ACER1: variants seen among roughly 807,000 people sequenced by gnomAD.
ACER1 encodes alkaline ceramidase 1.
In ACER1, 28 loss-of-function variants were observed where a neutral mutation model predicts 24.9. That is an observed-to-expected ratio of 1.13 (90% CI 0.83 to 1.54). The LOEUF (loss-of-function observed/expected upper bound fraction) is 1.54. Ranked by LOEUF, ACER1 falls within the 40% of genes most tolerant of loss-of-function variation. The pLI, the probability that ACER1 is intolerant of heterozygous loss-of-function variation, is 0.00. For missense variants in ACER1, 352 were observed against 349.3 expected, an observed-to-expected ratio of 1.01 and a Z score of -0.06; for synonymous variants, 132 against 131.4, an observed-to-expected ratio of 1.00 and a Z score of -0.03.
rs1202286373 is a variant in ACER1, at chr19:6,307,162, T to A, written c.617A>T (p.His206Leu). 6.2e-7 allele frequency: 1 copy of A among 1,613,976 alleles called. No individual in the cohort carries two copies. The highest frequency in any genetic ancestry group is 8.5e-7 in the Non-Finnish European group (1 of 1,180,044). ...CAGAGCATGTGCTTACCAGATGCTGTGCAGATAGAAGAAATGAATCCTCTG... is the reference window on the plus strand; with the variant it reads ...CAGAGCATGTGCTTACCAGATGCTGAGCAGATAGAAGAAATGAATCCTCTG... ...FWQRIHFFYL[H>L]SIWHVLISIT... is the part of the protein sequence containing the mutation. The change falls in exon 5 of 6, where the codon CAC becomes CTC. Residue 206 changes from histidine to leucine, a missense_variant. His to Leu is a moderately conservative substitution (Grantham distance 99). Transcript: ENST00000301452.
chr19:6,307,359 C>G (rs2091557576), intron 4 of ACER1, 69 bp from the exon 5 acceptor site: 2 of 1,562,106 alleles, frequency 1.3e-6, no homozygotes, highest in Non-Finnish European at 1.7e-6. Context: ...ATGGGAAATT[C>G]CTCCTTCCAC....
chr19:6,349,762 G>A, the ACER1 span, among the ~76,000 whole-genome samples: 1 of 152,086 alleles, frequency 6.6e-6, no homozygotes, highest in Admixed American at 6.6e-5. Flanking sequence ...GCACCTGAAG[G>A]TGATCCTAAA....
At chr19:6,326,996 C>T (rs2091664393) in intron 1 of ACER1, among the ~76,000 whole-genome samples, 1 of 152,176 alleles carries the variant, frequency 6.6e-6, no homozygotes, top group South Asian at 2.1e-4. Context: ...ACTTGGCAAA[C>T]TCCTATTCAT....
At chr19:6,353,099 G>A in the ACER1 span, among the ~76,000 whole-genome samples, 4 of 152,172 alleles carry the variant, frequency 2.6e-5, no homozygotes, top group African/African-American at 7.2e-5. Context: ...CGAGGCAGGT[G>A]TGAGGATCAT....
chr19:6,314,788 A>T (rs1031158777), intron 1 of ACER1, among the ~76,000 whole-genome samples: 7 of 152,234 alleles, frequency 4.6e-5, no homozygotes, highest in African/African-American at 1.7e-4. Flanking sequence ...TCATATGTTT[A>T]TTGCAGCACT....
At chr19:6,359,341 A>T in the ACER1 span, among the ~76,000 whole-genome samples, 3 of 147,222 alleles carry the variant, frequency 2.0e-5, no homozygotes, top group African/African-American at 5.1e-5. Context: ...TTTTTGAGAT[A>T]GAGTTTTGCT....
chr19:6,339,510 A>C, the ACER1 span, among the ~76,000 whole-genome samples: 1 of 152,036 alleles, frequency 6.6e-6, no homozygotes, highest in African/African-American at 2.4e-5. Flanking sequence ...TTCAGTTTGG[A>C]AAGATGAGAA....
intron 1 of ACER1, 37 bp from the exon 2 acceptor site, chr19:6,312,536 A>G: frequency 6.4e-7 from 1 of 1,558,520 alleles, no homozygotes; most frequent in South Asian, 1.1e-5. Context: ...AGCTCGTCAG[A>G]TAGGGGAGAC....
upstream of ACER1, among the ~76,000 whole-genome samples, chr19:6,335,170 T>TA (rs554082368): frequency 0.047 from 6,891 of 146,286 alleles, 266 homozygotes; most frequent in African/African-American, 0.1. Flanking sequence ...TTATATATTA[T>TA]ATAATTTTTC....
intron 1 of ACER1, among the ~76,000 whole-genome samples, chr19:6,332,909 T>C (rs941652686): frequency 1.3e-5 from 2 of 152,034 alleles, no homozygotes; most frequent in African/African-American, 4.8e-5. Flanking sequence ...GCTCAGGCAA[T>C]CCACCCACCT....
the ACER1 span, among the ~76,000 whole-genome samples, chr19:6,348,915 G>A: frequency 6.6e-6 from 1 of 151,980 alleles, no homozygotes; most frequent in African/African-American, 2.4e-5. Context: ...AATTAGCTGG[G>A]TATGGTGGCG....
At chr19:6,308,611 C>T (rs1003814042) in intron 4 of ACER1, among the ~76,000 whole-genome samples, 1 of 152,084 alleles carries the variant, frequency 6.6e-6, no homozygotes, top group African/African-American at 2.4e-5. Flanking sequence ...TTATTCTTAA[C>T]CAACAAGCCC....
At chr19:6,345,738 T>C in the ACER1 span, among the ~76,000 whole-genome samples, 1 of 151,660 alleles carries the variant, frequency 6.6e-6, no homozygotes, top group Non-Finnish European at 1.5e-5. Context: ...CTAATTTTTG[T>C]ATTTTTTGTA....
chr19:6,323,174 A>G (rs1292635490), intron 1 of ACER1, among the ~76,000 whole-genome samples: 1 of 152,108 alleles, frequency 6.6e-6, no homozygotes, highest in Non-Finnish European at 1.5e-5. Flanking sequence ...TAATCCCAGC[A>G]CTTTGGGAGG....
At chr19:6,349,309 C>T in the ACER1 span, among the ~76,000 whole-genome samples, 6 of 139,706 alleles carry the variant, frequency 4.3e-5, no homozygotes, top group African/African-American at 1.6e-4. Context: ...GCCCCCATCT[C>T]TACAAAATAA....
In ACER1 at chr19:6,306,836, C is replaced by T. The variant is rs747041602; in HGVS notation, c.673G>A (p.Ala225Thr). ...ITFPYGMVTM[A>T]LVDANYEMPG... Reference sequence around the variant, plus strand: ...ATCTCATAGTTGGCATCCACCAAGGCCATGGTGACCATGCCATAAGGGAAG... The same window carrying T: ...ATCTCATAGTTGGCATCCACCAAGGTCATGGTGACCATGCCATAAGGGAAG... Residue 225 changes from alanine (A) to threonine (T), a missense_variant, in exon 6 of 6, where the codon GCC (alanine) becomes ACC (threonine). Ala to Thr is a moderately conservative substitution (Grantham distance 58, BLOSUM62 0). Coordinates refer to ENST00000301452, the MANE Select transcript of ACER1 (RefSeq NM_133492.3). 8.1e-5 allele frequency: 131 copies of T among 1,614,058 alleles called. No homozygotes were observed. The highest frequency in any genetic ancestry group is 1.1e-4 in the Non-Finnish European group (128 of 1,180,022).
At chr19:6,355,156 G>A in the ACER1 span, among the ~76,000 whole-genome samples, 6 of 152,186 alleles carry the variant, frequency 3.9e-5, no homozygotes, top group African/African-American at 1.4e-4. Context: ...GTGCAGTGGC[G>A]TGATCTCGGC....
At chr19:6,339,199 G>T in the ACER1 span, among the ~76,000 whole-genome samples, 30 of 152,120 alleles carry the variant, frequency 2.0e-4, no homozygotes, top group African/African-American at 5.8e-4. Context: ...TTTATAAAGG[G>T]ATTGATTTAG....
intron 1 of ACER1, among the ~76,000 whole-genome samples, chr19:6,319,530 CATTT>C (rs1338217246): frequency 6.6e-6 from 1 of 152,054 alleles, no homozygotes; most frequent in Non-Finnish European, 1.5e-5. Context: ...TTCATTCATT[CATTT>C]GTCCAAGCAT....
Sources: allele counts gnomAD v4.1 joint callset (sites outside exome capture counted in the v4.1 genomes callset), GRCh38; gene constraint gnomAD v4.1.1; transcripts MANE v1.5; gene names NCBI Gene and HGNC (gene_info 2026-07-23, HGNC 2026-07-21).